RBL2: variants seen among roughly 807,000 people sequenced by gnomAD.
The protein encoded by RBL2 is RB transcriptional corepressor like 2.
In RBL2, 56 loss-of-function variants were observed where a neutral mutation model predicts 126.0. The ratio of observed to expected loss-of-function variants is 0.44; its 90% CI spans 0.36 to 0.56. The LOEUF is 0.56. Ranked by LOEUF, RBL2 falls within the 20% of genes least tolerant of loss-of-function variation. RBL2 has a pLI of 0.00. For synonymous variants in RBL2, 454 were observed against 478.5 expected (o/e 0.95, Z 0.67); for missense variants, 1,229 against 1,398.2 (o/e 0.88, Z 1.93).
rs181990817 is a variant in RBL2, at chr16:53,442,688, G to C, written c.402G>C (p.Lys134Asn). The C allele has an allele frequency of 6.2e-7, 1 of 1,613,578 alleles. No homozygotes were observed. Among genetic ancestry groups the C allele is most frequent in the East Asian group, 2.2e-5 (1 of 44,864 alleles). ...SLIEFFNKMK[K>N]WEDMANLPPH... Reference sequence around the variant, plus strand: ...TCGAATTTTTTAATAAGATGAAGAAGTGGGAAGACATGGCAAATCTACCCC... The same window carrying C: ...TCGAATTTTTTAATAAGATGAAGAACTGGGAAGACATGGCAAATCTACCCC... The change falls in exon 3 of 22, where the codon AAG becomes AAC. Residue 134 changes from lysine (K) to asparagine (N), a missense_variant. Coordinates refer to ENST00000262133, the MANE Select transcript of RBL2 (RefSeq NM_005611.4).
intron 17 of RBL2, among the ~76,000 whole-genome samples, chr16:53,475,738 GTAAT>G (rs1358711787): frequency 2.0e-5 from 3 of 149,682 alleles, no homozygotes; most frequent in Non-Finnish European, 4.4e-5. Context: ...GGATGTTTAG[GTAAT>G]TAATTTACTA....
At position 53,470,414 on chromosome 16, in the gene RBL2, C is replaced by A; in HGVS notation, c.2277C>A (p.Phe759Leu). 1 of 1,613,982 alleles carries A rather than the reference C, an allele frequency of 6.2e-7. No homozygotes were observed. The highest frequency in any genetic ancestry group is 8.5e-7 in the Non-Finnish European group (1 of 1,179,870). ...GIANENGGIT[F>L]FPVQVNVGGQ... ...CCAATGAAAATGGAGGGATAACATTCTTCCCTGTCCAAGTCAATGTTGGGG... is the reference window on the plus strand; with the variant it reads ...CCAATGAAAATGGAGGGATAACATTATTCCCTGTCCAAGTCAATGTTGGGG... The change falls in exon 16 of 22, where the codon TTC becomes TTA. Residue 759 changes from phenylalanine to leucine, a missense_variant. Physicochemically the swap from Phe to Leu is conservative, Grantham distance 22 (BLOSUM62 0). This residue lies in a region of RBL2 where 1,070 missense variants were observed against 1,274.3 expected (regional missense o/e 0.84). Transcript: ENST00000262133.
chr16:53,483,921 C>T (rs1182878250), intron 21 of RBL2, among the ~76,000 whole-genome samples: 2 of 88,080 alleles, frequency 2.3e-5, no homozygotes, highest in African/African-American at 9.7e-5. Flanking sequence ...CTTTTCCTAT[C>T]ATAGTAAAAA....
chr16:53,442,881 C>T, intron 3 of RBL2, 23 bp downstream of exon 3: 1 of 1,566,844 alleles, frequency 6.4e-7, no homozygotes, highest in South Asian at 1.1e-5. Context: ...GTTGGTTCAT[C>T]AGGAATACAC....
intron 17 of RBL2, among the ~76,000 whole-genome samples, chr16:53,477,057 T>TTGTG (rs36075761): frequency 0.15 from 22,076 of 150,964 alleles, 1,684 homozygotes; most frequent in Middle Eastern, 0.23. Context: ...TGGTTTCATT[T>TTGTG]TGTGTGTGTG....
intron 8 of RBL2, among the ~76,000 whole-genome samples, chr16:53,455,470 A>G (rs544758767): frequency 1.3e-5 from 2 of 152,230 alleles, no homozygotes; most frequent in African/African-American, 2.4e-5. Flanking sequence ...AAAGCATTTT[A>G]TATGTCAGGT....
chr16:53,437,957 G>A lies in RBL2; in HGVS notation c.241-1059G>A, dbSNP rs536492440. 3.9e-5 allele frequency among the ~76,000 whole-genome samples: 6 copies of A among 152,106 alleles called. No individual in the cohort carries two copies. The East Asian group carries it at 1.2e-3, about 29-fold the overall frequency. On this transcript the variant is annotated intron_variant, in intron 1 of 21. Transcript: ENST00000262133. ...CAGGAGAATGGTGTGAACCTGGGAG[G>A]CAGAGCTTGGAGTGAGCCAAGATGG...
At chr16:53,471,003 G>T in intron 17 of RBL2, 81 bp downstream of exon 17, 1 of 1,375,442 alleles carries the variant, frequency 7.3e-7, no homozygotes, top group Non-Finnish European at 9.9e-7. Context: ...TTGAGATACA[G>T]TTTACATGCT....
intron 21 of RBL2, among the ~76,000 whole-genome samples, 199 bp downstream of exon 21, chr16:53,482,034 G>T (rs1007450491): frequency 6.6e-6 from 1 of 152,006 alleles, no homozygotes; most frequent in African/African-American, 2.4e-5. Flanking sequence ...GAATTTTAGG[G>T]TGGGAAACAG....
At chr16:53,450,938 C>T (rs1045013480) in intron 4 of RBL2, among the ~76,000 whole-genome samples, 1 of 149,618 alleles carries the variant, frequency 6.7e-6, no homozygotes, top group Non-Finnish European at 1.5e-5. Flanking sequence ...GAGACTCCAT[C>T]TCAAAAAAAA....
At chr16:53,457,073 A>C (rs972947173) in intron 8 of RBL2, among the ~76,000 whole-genome samples, 6 of 151,964 alleles carry the variant, frequency 3.9e-5, no homozygotes, top group African/African-American at 1.5e-4. Flanking sequence ...AGGGAAGAGC[A>C]AGTCTGGGGG....
At chr16:53,457,442 G>A (rs952914487) in intron 8 of RBL2, among the ~76,000 whole-genome samples, 1 of 151,188 alleles carries the variant, frequency 6.6e-6, no homozygotes, top group Non-Finnish European at 1.5e-5. Flanking sequence ...TGTATTTTTA[G>A]TAGAAACGGC....
rs539272690 is a variant in RBL2 at position 53,468,601 on chromosome 16, G to A, written c.1976-1315G>A. ...CCTGAGATCTCTTGATATTTTATAA[G>A]AAAAAATGATCATAATCTATTCTTT... On this transcript the variant is annotated intron_variant, in intron 14 of 21. Transcript: ENST00000262133. 3.9e-5 allele frequency among the ~76,000 whole-genome samples: 6 copies of A among 152,042 alleles called. No individual in the cohort carries two copies. In the East Asian group the frequency reaches 9.7e-4, roughly 24 times the overall value.
intron 8 of RBL2, among the ~76,000 whole-genome samples, chr16:53,455,230 T>A (rs142911045): frequency 3.3e-5 from 5 of 152,356 alleles, no homozygotes; most frequent in African/African-American, 1.2e-4. Context: ...CTACAGTCTT[T>A]AAGAAAATTC....
intron 21 of RBL2, chr16:53,487,589 TAGAAGACAAC>T (rs578090929): frequency 9.8e-4 from 149 of 152,316 alleles, no homozygotes; most frequent in African/African-American, 3.5e-3. Context: ...ACAAAACCTC[TAGAAGACAAC>T]AGAAAATCTT....
rs34915161 is a variant in RBL2 at position 53,444,552 on chromosome 16, T to TAATAAATAAATA, written c.572+1713_572+1724dup. 8.5e-3 allele frequency among the ~76,000 whole-genome samples: 1,217 copies of TAATAAATAAATA among 143,324 alleles called. 22 individuals carry two copies. Among genetic ancestry groups the TAATAAATAAATA allele is most frequent in the African/African-American group, 0.03 (1,164 of 38,252 alleles). 94.0% of individuals were successfully genotyped at this position (143,324 alleles called of 152,430 possible). A position where few individuals can be genotyped will look rare whatever the true frequency, so the allele number is the denominator to read the frequency against. On this transcript the variant is annotated intron_variant, in intron 3 of 21. Transcript: ENST00000262133. ...TGGGCGATAGAGCGAGACTCCATTT[T>TAATAAATAAATA]AATAAATAAATAAATAAATAAATAA...
chr16:53,486,895 G>C (rs1223622667), intron 21 of RBL2, among the ~76,000 whole-genome samples: 1 of 152,138 alleles, frequency 6.6e-6, no homozygotes, highest in South Asian at 2.1e-4. Flanking sequence ...AAAATCAAAT[G>C]TATTTCTATA....
rs61747629 is a variant in RBL2, at chr16:53,470,624, A to T, written c.2487A>T (p.Arg829Ser). ...QGQSVTSSSNRPRKTSSLSLF... is the reference protein window; with the variant it reads ...QGQSVTSSSNSPRKTSSLSLF... ...AGTCTGTAACCAGCAGTAGTAATAG[A>T]CCCAGGAAGACCAGCTCTTTATCGC... Residue 829 changes from arginine (R) to serine (S), a missense_variant, in exon 16 of 22, where the codon AGA (arginine) becomes AGT (serine). Around this residue, in one of 2 missense-constraint regions of RBL2, gnomAD observed 1,070 missense variants for 1,274.3 expected, o/e 0.84. Coordinates refer to ENST00000262133, the MANE Select transcript of RBL2 (RefSeq NM_005611.4). 17,078 of 1,614,164 alleles carry T rather than the reference A, an allele frequency of 0.011. 107 individuals are homozygous for T. The highest frequency in any genetic ancestry group is 0.013 in the Non-Finnish European group (15,020 of 1,180,020).
intron 1 of RBL2, among the ~76,000 whole-genome samples, chr16:53,438,216 G>A (rs2057978229): frequency 1.3e-5 from 2 of 152,006 alleles, no homozygotes; most frequent in African/African-American, 4.8e-5. Context: ...TACCTCACCT[G>A]GAAGACTTGA....
Sources: allele counts gnomAD v4.1 joint callset (sites outside exome capture counted in the v4.1 genomes callset), GRCh38; gene constraint gnomAD v4.1.1; regional missense constraint gnomAD v4.1.1; transcripts MANE v1.5; gene names NCBI Gene and HGNC (gene_info 2026-07-23, HGNC 2026-07-21).